Variants in ASCC1 observed in about 807,000 individuals in gnomAD.
ASCC1 encodes the protein activating signal cointegrator 1 complex subunit 1, also known as ASC-1 complex subunit P50.
Under a neutral mutation model 46.6 loss-of-function variants are expected in ASCC1, and 35 were observed. That is an observed-to-expected ratio of 0.75 (90% CI 0.57 to 0.99). The LOEUF is 0.99. ASCC1 is among the 50% of genes least tolerant of loss of function. The pLI, the probability that ASCC1 is intolerant of heterozygous loss-of-function variation, is 0.00. For missense variants in ASCC1, 376 were observed against 428.7 expected (o/e 0.88, Z 1.09); for synonymous variants, 143 against 146.6 (o/e 0.98, Z 0.18).
At chr10:72,141,035 TTATAGATA>T (rs1404473260) in intron 7 of ASCC1, among the ~76,000 whole-genome samples, 25 of 109,144 alleles carry the variant, frequency 2.3e-4, no homozygotes, top group Non-Finnish European at 4.1e-4. Flanking sequence ...ATCAAATTGT[TTATAGATA>T]GATAGATAGA....
intron 6 of ASCC1, chr10:72,159,010 A>C (rs1482382494): frequency 1.3e-5 from 2 of 152,216 alleles, no homozygotes; most frequent in Non-Finnish European, 2.9e-5. Context: ...GAAGTAAATC[A>C]GTTTTGCACT....
intron 4 of ASCC1, among the ~76,000 whole-genome samples, chr10:72,201,058 T>C (rs369646939): frequency 6.6e-6 from 1 of 152,196 alleles, no homozygotes; most frequent in Non-Finnish European, 1.5e-5. Flanking sequence ...TGCATGGATA[T>C]AGAACATTCT....
rs111763511 is a variant in ASCC1, at chr10:72,156,898, G to A, written c.627-3910C>T. ...TGCTCTTTGTAGCCTAGGAATCCTA[G>A]TAGTAAAGATTCCCTTAACACTTCA... On this transcript the variant is annotated intron_variant, in intron 6 of 9. Coordinates refer to ENST00000672957, the MANE Select transcript of ASCC1 (RefSeq NM_001198800.3). Among the ~76,000 whole-genome samples the A allele has an allele frequency of 9.7e-3, 1,470 of 152,194 alleles. 19 individuals carry two copies. The highest frequency in any genetic ancestry group is 0.034 in the African/African-American group (1,398 of 41,526).
chr10:72,099,298 C>G (rs1841445551), intron 9 of ASCC1, among the ~76,000 whole-genome samples: 1 of 152,186 alleles, frequency 6.6e-6, no homozygotes, highest in Non-Finnish European at 1.5e-5. Context: ...GCAAATGTAG[C>G]AATCATGAAG....
At chr10:72,135,312 T>C (rs1846054699) in intron 7 of ASCC1, among the ~76,000 whole-genome samples, 2 of 151,938 alleles carry the variant, frequency 1.3e-5, no homozygotes, top group African/African-American at 4.8e-5. Context: ...CCACATGCCT[T>C]GAAGGAGATG....
At chr10:72,171,550 C>A (rs1851084893) in intron 5 of ASCC1, among the ~76,000 whole-genome samples, 1 of 152,184 alleles carries the variant, frequency 6.6e-6, no homozygotes. Context: ...CCTCAGCCTC[C>A]TGAGTAGCTG....
At chr10:72,175,980 T>TA (rs1393900911) in intron 5 of ASCC1, among the ~76,000 whole-genome samples, 3 of 152,250 alleles carry the variant, frequency 2.0e-5, no homozygotes, top group Non-Finnish European at 4.4e-5. Context: ...CTACAAGTCT[T>TA]ACTTGGTACA....
At chr10:72,194,638 A>G (rs1405673428) in intron 5 of ASCC1, among the ~76,000 whole-genome samples, 1 of 152,206 alleles carries the variant, frequency 6.6e-6, no homozygotes, top group Non-Finnish European at 1.5e-5. Context: ...AGAAATTAAA[A>G]AAGTTAAATA....
intron 5 of ASCC1, among the ~76,000 whole-genome samples, chr10:72,183,042 TTC>T (rs1480721828): frequency 1.3e-5 from 2 of 151,016 alleles, no homozygotes; most frequent in African/African-American, 2.4e-5. Context: ...GACAAAAAAT[TTC>T]TTTTTTTTTT....
At chr10:72,153,116 T>C in intron 6 of ASCC1, 128 bp from the exon 7 acceptor site, 1 of 1,251,356 alleles carries the variant, frequency 8.0e-7, no homozygotes, top group Non-Finnish European at 1.1e-6. Flanking sequence ...ACATGGTAGT[T>C]GTGTTTTTTC....
chr10:72,129,762 C>T (rs1410148857), intron 8 of ASCC1, among the ~76,000 whole-genome samples: 1 of 151,536 alleles, frequency 6.6e-6, no homozygotes, highest in African/African-American at 2.4e-5. Flanking sequence ...GCCAAGATTG[C>T]ACCACTGTAC....
chr10:72,127,085 A>AG (rs1401783837), intron 9 of ASCC1, among the ~76,000 whole-genome samples: 1 of 152,222 alleles, frequency 6.6e-6, no homozygotes, highest in African/African-American at 2.4e-5. Flanking sequence ...AAGGGAATGG[A>AG]GGGTGGAATA....
intron 3 of ASCC1, among the ~76,000 whole-genome samples, chr10:72,210,405 C>A (rs1201668420): frequency 1.3e-5 from 2 of 152,050 alleles, no homozygotes; most frequent in African/African-American, 4.8e-5. Flanking sequence ...GGTGATCCAC[C>A]CGCCTCAGCC....
intron 3 of ASCC1, among the ~76,000 whole-genome samples, chr10:72,205,522 T>C (rs1857076972): frequency 6.6e-6 from 1 of 151,054 alleles, no homozygotes; most frequent in Admixed American, 6.6e-5. Flanking sequence ...TCCCAACTAC[T>C]CGGGAGGCTG....
chr10:72,115,582 A>C (rs1392896832), intron 9 of ASCC1, among the ~76,000 whole-genome samples: 2 of 152,248 alleles, frequency 1.3e-5, no homozygotes, highest in Non-Finnish European at 2.9e-5. Flanking sequence ...CTGCCACTGA[A>C]GCCAAGAGAA....
At chr10:72,147,745 T>C (rs1338930035) in intron 7 of ASCC1, among the ~76,000 whole-genome samples, 2 of 152,178 alleles carry the variant, frequency 1.3e-5, no homozygotes, top group African/African-American at 4.8e-5. Flanking sequence ...AAACAGTATT[T>C]ATCTTACACA....
At chr10:72,204,487 T>C (rs1294741765) in intron 3 of ASCC1, 3 of 1,550,444 alleles carry the variant, frequency 1.9e-6, no homozygotes, top group East Asian at 2.4e-5. Flanking sequence ...AGTCGTTTGA[T>C]GTGTTCAAGT....
At chr10:72,202,348 G>C (rs1426728581) in intron 4 of ASCC1, among the ~76,000 whole-genome samples, 1 of 151,832 alleles carries the variant, frequency 6.6e-6, no homozygotes, top group African/African-American at 2.4e-5. Flanking sequence ...CACACCTGTA[G>C]TCCCAGCTAC....
At chr10:72,159,430 A>C (rs1375199531) in intron 6 of ASCC1, 1 of 152,220 alleles carries the variant, frequency 6.6e-6, no homozygotes, top group Non-Finnish European at 1.5e-5. Context: ...CCTGATTTTC[A>C]TAAGGTAAAA....
Sources: allele counts gnomAD v4.1 joint callset (sites outside exome capture counted in the v4.1 genomes callset), GRCh38; gene constraint gnomAD v4.1.1; transcripts MANE v1.5; gene names NCBI Gene and HGNC (gene_info 2026-07-23, HGNC 2026-07-21).